RASGRF2: variants seen among roughly 807,000 people sequenced by gnomAD.
The protein encoded by RASGRF2 is Ras protein specific guanine nucleotide releasing factor 2.
RASGRF2 carries 76 observed loss-of-function variants against 151.0 expected under a neutral mutation model. The observed-to-expected ratio is 0.50, with a 90% CI of 0.42 to 0.61. RASGRF2 has a LOEUF of 0.61. RASGRF2 is among the 20% of genes least tolerant of loss of function. RASGRF2 has a pLI of 0.00. For synonymous variants in RASGRF2, 504 were observed against 566.5 expected (o/e 0.89, Z 1.57); for missense variants, 1,148 against 1,564.6 (o/e 0.73, Z 4.49).
intron 19 of RASGRF2, among the ~76,000 whole-genome samples, chr5:81,202,525 A>C (rs1314614935): frequency 1.3e-5 from 2 of 152,190 alleles, no homozygotes; most frequent in Non-Finnish European, 2.9e-5. Flanking sequence ...TTAGCTGAAG[A>C]TCCCATAGCC....
intron 23 of RASGRF2, among the ~76,000 whole-genome samples, chr5:81,213,615 A>G (rs1580411523): frequency 1.3e-5 from 2 of 152,120 alleles, no homozygotes; most frequent in African/African-American, 4.8e-5. Flanking sequence ...AGAGACACTC[A>G]TTATTTCTTT....
chr5:81,048,623 C>A (rs1019865830), intron 2 of RASGRF2, among the ~76,000 whole-genome samples: 10 of 152,196 alleles, frequency 6.6e-5, no homozygotes, highest in African/African-American at 1.9e-4. Flanking sequence ...CTACACTCAC[C>A]GGGCAGGTGC....
At chr5:81,087,378 G>A in intron 9 of RASGRF2, 1 of 699,984 alleles carries the variant, frequency 1.4e-6, no homozygotes, top group Non-Finnish European at 2.6e-6. Flanking sequence ...ACAGCTGTCT[G>A]TTGTTCCCAT....
chr5:80,960,982 G>C lies in RASGRF2; in HGVS notation c.244G>C (p.Ala82Pro). 6.5e-7 allele frequency: 1 copy of C among 1,550,378 alleles called. No individual in the cohort carries two copies. Among genetic ancestry groups the C allele is most frequent in the Non-Finnish European group, 8.8e-7 (1 of 1,140,504 alleles). ...SCERTPAPPR[A>P]GAGQGGVRDA... ...CGAACGAACGCCCGCGCCACCCAGG[G>C]CCGGCGCCGGGCAGGGAGGCGTCCG... The change falls in exon 1 of 27, where the codon GCC becomes CCC. Residue 82 changes from alanine (A) to proline (P), a missense_variant. Around this residue, in one of 5 missense-constraint regions of RASGRF2, gnomAD observed 221 missense variants for 271.3 expected, o/e 0.81. Transcript: ENST00000265080. This position sits in a 1 kb window ranked among gnomAD's most constrained non-coding sequence, Gnocchi z 5.5.
rs1047318253 is a variant in RASGRF2 at position 80,960,837 on chromosome 5, G to C, written c.99G>C (p.Thr33=). 1 of 1,613,524 alleles carries C rather than the reference G, an allele frequency of 6.2e-7. No individual in the cohort carries two copies. Among genetic ancestry groups the C allele is most frequent in the Non-Finnish European group, 8.5e-7 (1 of 1,179,734 alleles). ...GTKRGFLSKK[T]AEASRWHEKW... ...AGCGCGGCTTCCTGAGTAAGAAGAC[G>C]GCCGAGGCGAGCCGCTGGCACGAGA... Residue 33 remains threonine (T), a synonymous_variant, in exon 1 of 27, where the codon ACG becomes ACC. Coordinates refer to ENST00000265080, the MANE Select transcript of RASGRF2 (RefSeq NM_006909.3). This position sits in a 1 kb window ranked among gnomAD's most constrained non-coding sequence, Gnocchi z 5.5.
At chr5:81,145,589 C>T (rs753777016) in intron 17 of RASGRF2, among the ~76,000 whole-genome samples, 1 of 152,192 alleles carries the variant, frequency 6.6e-6, no homozygotes, top group Non-Finnish European at 1.5e-5. Context: ...GTCAATCTCT[C>T]TCTTGGATCA....
rs922896681 is a variant in RASGRF2 at position 81,226,996 on chromosome 5, T to A, written c.*1226T>A. ...TTCCTTTTCCCAAGATTGTCAGTTG[T>A]TGAAGAAATAGGGCTATCTCATTGT... On this transcript the variant is annotated 3_prime_UTR_variant, in exon 27 of 27. Coordinates refer to ENST00000265080, the MANE Select transcript of RASGRF2 (RefSeq NM_006909.3). The A allele has an allele frequency of 6.6e-6, 1 of 152,340 alleles. No homozygotes were observed. The highest frequency in any genetic ancestry group is 1.9e-4 in the East Asian group (1 of 5,190). The allele number at this position is 152,340 out of a possible 1,614,324, so 9.4% of individuals were successfully genotyped here. A position where few individuals can be genotyped will look rare whatever the true frequency, so the allele number is the denominator to read the frequency against.
chr5:81,100,152 C>A (rs1182395326), intron 12 of RASGRF2, among the ~76,000 whole-genome samples: 1 of 152,130 alleles, frequency 6.6e-6, no homozygotes, highest in Non-Finnish European at 1.5e-5. Context: ...CGTGATCCAC[C>A]CGCCTCGGCC....
chr5:81,032,333 G>A (rs1750288073), intron 1 of RASGRF2, among the ~76,000 whole-genome samples: 1 of 152,102 alleles, frequency 6.6e-6, no homozygotes. Context: ...GCCTGGCAGA[G>A]ACACAACAAA....
At chr5:81,075,338 A>C (rs1751905670) in intron 5 of RASGRF2, among the ~76,000 whole-genome samples, 1 of 152,218 alleles carries the variant, frequency 6.6e-6, no homozygotes, top group Non-Finnish European at 1.5e-5. Context: ...TGCAATGGGC[A>C]GCACAGCAGA....
At chr5:81,195,201 G>A (rs1755237372) in intron 18 of RASGRF2, among the ~76,000 whole-genome samples, 1 of 152,168 alleles carries the variant, frequency 6.6e-6, no homozygotes, top group Non-Finnish European at 1.5e-5. Flanking sequence ...AGGGGCCCGC[G>A]CCAGAGCCAA....
At position 81,180,234 on chromosome 5, in the gene RASGRF2, A is replaced by C. The variant is rs775223599; in HGVS notation, c.2746A>C (p.Asn916His). ...GTTTATTATACGGAGAACGGCTACC[A>C]ATCGAGTTCTGAACGTCCTCCGTCA... ...KEFIIRRTAT[N>H]RVLNVLRHWV... Residue 916 changes from asparagine to histidine, a missense_variant, in exon 18 of 27, where the codon AAT (asparagine) becomes CAT (histidine). Coordinates refer to ENST00000265080, the MANE Select transcript of RASGRF2 (RefSeq NM_006909.3). The C allele has an allele frequency of 6.2e-7, 1 of 1,613,368 alleles. No homozygotes were observed. Among genetic ancestry groups the C allele is most frequent in the South Asian group, 1.1e-5 (1 of 91,046 alleles).
chr5:81,109,217 A>G lies in RASGRF2; in HGVS notation c.1838+139A>G, dbSNP rs535704290. 1.5e-5 allele frequency: 21 copies of G among 1,388,076 alleles called. No homozygotes were observed. The African/African-American group carries it at 2.9e-4, about 19-fold the overall frequency. The allele number at this position is 1,388,076 out of a possible 1,614,324, so 86.0% of individuals were successfully genotyped here. A position where few individuals can be genotyped will look rare whatever the true frequency, so the allele number is the denominator to read the frequency against. On this transcript the variant is annotated intron_variant, in intron 13 of 26. Coordinates refer to ENST00000265080, the MANE Select transcript of RASGRF2 (RefSeq NM_006909.3). ...TTTCTTGACAGGAATGCAGTGATTC[A>G]TATGATTCCATTATAAATGAGACTA...
At chr5:81,185,452 C>G (rs1461215935) in intron 18 of RASGRF2, among the ~76,000 whole-genome samples, 1 of 152,130 alleles carries the variant, frequency 6.6e-6, no homozygotes, top group Non-Finnish European at 1.5e-5. Flanking sequence ...TAGACAGACG[C>G]TGGGTGAAAA....
rs1752044642 is a variant in RASGRF2 at position 81,080,111 on chromosome 5, T to C, written c.888-10T>C. 3.1e-6 allele frequency: 5 copies of C among 1,592,438 alleles called. No homozygotes were observed. Among genetic ancestry groups the C allele is most frequent in the Non-Finnish European group, 4.3e-6 (5 of 1,175,482 alleles). On this transcript the variant is annotated splice_polypyrimidine_tract_variant and intron_variant, in intron 5 of 26. Coordinates refer to ENST00000265080, the MANE Select transcript of RASGRF2 (RefSeq NM_006909.3). ...GCAACTAAATTATATTATTTTTCCT[T>C]TTTTTATAGTGAAACAATCATGTTT...
At chr5:81,066,844 A>G (rs1751621330) in intron 2 of RASGRF2, among the ~76,000 whole-genome samples, 1 of 152,196 alleles carries the variant, frequency 6.6e-6, no homozygotes, top group African/African-American at 2.4e-5. Flanking sequence ...GGCTGGTTTA[A>G]TGTGGTCATG....
chr5:80,961,107 G>A (rs950059436), intron 1 of RASGRF2, 81 bp downstream of exon 1: 1 of 1,373,880 alleles, frequency 7.3e-7, no homozygotes, highest in Non-Finnish European at 9.5e-7. Context: ...ATCAGGGGTC[G>A]GGGGTCGTGA....
At chr5:81,171,923 A>G (rs2112660155) in intron 17 of RASGRF2, among the ~76,000 whole-genome samples, 1 of 152,272 alleles carries the variant, frequency 6.6e-6, no homozygotes, top group East Asian at 1.9e-4. Context: ...TTGCATTTCT[A>G]TACGAGCATA....
intron 17 of RASGRF2, among the ~76,000 whole-genome samples, chr5:81,149,837 G>T (rs1252674504): frequency 1.3e-5 from 2 of 152,124 alleles, no homozygotes; most frequent in African/African-American, 4.8e-5. Flanking sequence ...GCCATCTTTA[G>T]TGGGCTTCCA....
Sources: allele counts gnomAD v4.1 joint callset (sites outside exome capture counted in the v4.1 genomes callset), GRCh38; gene constraint gnomAD v4.1.1; regional missense constraint gnomAD v4.1.1; non-coding constraint Gnocchi (gnomAD v3.1); transcripts MANE v1.5; gene names NCBI Gene and HGNC (gene_info 2026-07-23, HGNC 2026-07-21).